Variants in NEURL1B observed in about 807,000 individuals in gnomAD.
NEURL1B encodes the protein E3 ubiquitin-protein ligase NEURL1B.
NEURL1B carries 13 observed loss-of-function variants against 37.4 expected under a neutral mutation model. That is an observed-to-expected ratio of 0.35 (90% CI 0.23 to 0.55). The LOEUF is 0.55. NEURL1B is among the 20% of genes least tolerant of loss of function. The probability of loss-of-function intolerance (pLI) is 0.89; values close to 1 mark genes in which losing one functional copy is unlikely to be tolerated. For missense variants in NEURL1B, 790 were observed against 879.2 expected, an observed-to-expected ratio of 0.90 and a Z score of 1.28; for synonymous variants, 432 against 426.6, an observed-to-expected ratio of 1.01 and a Z score of -0.16.
intron 3 of NEURL1B, among the ~76,000 whole-genome samples, chr5:172,684,775 C>A (rs1339978000): frequency 1.3e-5 from 2 of 152,154 alleles, no homozygotes; most frequent in Non-Finnish European, 2.9e-5. Flanking sequence ...CACTCCATGC[C>A]GGTTAGGAGC....
At chr5:172,669,654 C>A (rs1048625267) in intron 1 of NEURL1B, 131 bp from the exon 2 acceptor site, 51 of 708,432 alleles carry the variant, frequency 7.2e-5, no homozygotes, top group Non-Finnish European at 9.4e-5. Flanking sequence ...AGCCTGGAAC[C>A]TTCTTAAGTT....
chr5:172,656,359 A>T (rs908792603), intron 1 of NEURL1B, among the ~76,000 whole-genome samples: 3 of 151,912 alleles, frequency 2.0e-5, no homozygotes, highest in Admixed American at 6.6e-5. Context: ...TTTTTTATTT[A>T]TTTATTTATT....
chr5:172,669,816 C>T lies in NEURL1B; in HGVS notation c.63C>T (p.Thr21=), dbSNP rs1426008612. ...DPSPPARLLA[T]RPCCGPGPER... The stretch of plus-strand genomic sequence containing the variant: ...GCCCACCGGCGCGCCTCCTGGCCAC[C>T]CGGCCGTGCTGCGGCCCCGGCCCCG... The change falls in exon 2 of 5, where the codon ACC becomes ACT. Residue 21 remains threonine, a synonymous_variant. Transcript: ENST00000369800. The T allele has an allele frequency of 1.8e-5, 23 of 1,296,244 alleles. No individual in the cohort carries two copies. The highest frequency in any genetic ancestry group is 2.9e-4 in the Middle Eastern group (1 of 3,428). 80.3% of individuals were successfully genotyped at this position (1,296,244 alleles called of 1,614,324 possible).
In NEURL1B at chr5:172,686,712, G is replaced by T; in HGVS notation, c.1455G>T (p.Pro485=). The T allele has an allele frequency of 1.3e-6, 2 of 1,550,874 alleles. No individual in the cohort carries two copies. Among genetic ancestry groups the T allele is most frequent in the Non-Finnish European group, 1.7e-6 (2 of 1,146,742 alleles). Residue 485 remains proline, a synonymous_variant, in exon 5 of 5, where the codon CCG becomes CCT. Transcript: ENST00000369800. The surrounding 1 kb of genome is among the most constrained non-coding windows in gnomAD (Gnocchi z 7.9). The part of the protein sequence containing the change: ...VTAPSSPLSP[P]VSPVFSPPEP... ...CCCCCAGCTCCCCGCTGAGCCCCCC[G>T]GTGTCCCCCGTGTTCTCCCCACCGG...
chr5:172,653,383 G>T (rs1757704667), intron 1 of NEURL1B, among the ~76,000 whole-genome samples: 1 of 152,076 alleles, frequency 6.6e-6, no homozygotes, highest in South Asian at 2.1e-4. Context: ...TTATATTAGT[G>T]TGTCAATGTT....
chr5:172,686,188 C>T lies in NEURL1B; in HGVS notation c.1315C>T (p.Pro439Ser). 6.4e-7 allele frequency: 1 copy of T among 1,551,668 alleles called. No homozygotes were observed. The highest frequency in any genetic ancestry group is 8.7e-7 in the Non-Finnish European group (1 of 1,146,978). ...GGCCTCAGGTACCCTGCAGTCCAGC[C>T]CTGCGACCACGACTCCATCAGGGTC... ...LRLLGTLQSS[P>S]ATTTPSGSLS... Residue 439 changes from proline (P) to serine (S), a missense_variant, in exon 4 of 5, where the codon CCT becomes TCT. Coordinates refer to ENST00000369800, the MANE Select transcript of NEURL1B (RefSeq NM_001142651.3). The surrounding 1 kb of genome is among the most constrained non-coding windows in gnomAD (Gnocchi z 7.9).
chr5:172,652,508 T>C (rs1430105251), intron 1 of NEURL1B, among the ~76,000 whole-genome samples: 1 of 152,252 alleles, frequency 6.6e-6, no homozygotes, highest in Non-Finnish European at 1.5e-5. Context: ...TGTATGGTTT[T>C]TAGGAAATTA....
intron 2 of NEURL1B, among the ~76,000 whole-genome samples, chr5:172,677,674 T>TC (rs1283153106): frequency 6.6e-6 from 1 of 151,962 alleles, no homozygotes; most frequent in Non-Finnish European, 1.5e-5. Flanking sequence ...CCCTCGGCCT[T>TC]CCCCCCGTGG....
intron 2 of NEURL1B, among the ~76,000 whole-genome samples, chr5:172,677,306 C>T (rs370098356): frequency 6.6e-6 from 1 of 152,116 alleles, no homozygotes; most frequent in Non-Finnish European, 1.5e-5. Flanking sequence ...GGAGCGAGAC[C>T]GCCGCTGCAT....
At chr5:172,642,516 G>A (rs1757485051) in intron 1 of NEURL1B, among the ~76,000 whole-genome samples, 1 of 152,186 alleles carries the variant, frequency 6.6e-6, no homozygotes, top group South Asian at 2.1e-4. Context: ...TTTAGTGTGA[G>A]GTTCTGGAAG....
intron 2 of NEURL1B, among the ~76,000 whole-genome samples, chr5:172,673,236 G>A (rs7701918): frequency 0.2 from 30,838 of 151,972 alleles, 3,455 homozygotes; most frequent in East Asian, 0.38. Flanking sequence ...GAGGCACCAC[G>A]AGAACATCAA....
chr5:172,647,510 C>T lies in NEURL1B; in HGVS notation c.31+6073C>T, dbSNP rs2113257077. ...TGGATCCCAGGCACGCTGGGCTCCA[C>T]ACCCCTTCCCCTCCATCCCACGGGG... On this transcript the variant is annotated intron_variant, in intron 1 of 4. Transcript: ENST00000369800. The surrounding 1 kb of genome is among the most constrained non-coding windows in gnomAD (Gnocchi z 4.2). Among the ~76,000 whole-genome samples, 5 of 152,190 alleles carry T rather than the reference C, an allele frequency of 3.3e-5. No individual in the cohort carries two copies. The Middle Eastern group carries it at 0.01, about 311-fold the overall frequency.
At chr5:172,672,706 A>T (rs897521862) in intron 2 of NEURL1B, among the ~76,000 whole-genome samples, 3 of 152,104 alleles carry the variant, frequency 2.0e-5, no homozygotes, top group Non-Finnish European at 4.4e-5. Flanking sequence ...ATTGATGGAA[A>T]CTACCTGGCA....
chr5:172,662,684 A>G (rs555964520), intron 1 of NEURL1B, among the ~76,000 whole-genome samples: 9 of 152,322 alleles, frequency 5.9e-5, no homozygotes, highest in South Asian at 4.1e-4. Context: ...TCCAGAGCCC[A>G]TGAAGTAAAT....
Position 172,683,750 on chromosome 5 carries a change from GC to G in NEURL1B, c.912del (p.Asp305ThrfsTer155). The G allele has an allele frequency of 7.6e-7, 1 of 1,317,002 alleles. No homozygotes were observed. The allele number at this position is 1,317,002 out of a possible 1,614,324, so 81.6% of individuals were successfully genotyped here. ...ACCGCAAAGTGGCCTGCGCACCGCG[GC>G]CCGACGGCGGCCGCACGCTGGTCTT... ...ADRKVACAPR[P>X]DGGRTLVFSE... On this transcript the variant is annotated frameshift_variant, in exon 3 of 5. Transcript: ENST00000369800. LOFTEE classifies it high-confidence loss of function. This position sits in a 1 kb window ranked among gnomAD's most constrained non-coding sequence, Gnocchi z 5.6.
At position 172,683,415 on chromosome 5, in the gene NEURL1B, A is replaced by AC. The variant is rs965456278; in HGVS notation, c.578-3dup. ...CCTCCATGTCCCTCCCTTTGTCCGC[A>AC]CAGAGAGCGCCTTCGCTGACACGCT... On this transcript the variant is annotated splice_polypyrimidine_tract_variant and splice_region_variant and intron_variant, in intron 2 of 4. Coordinates refer to ENST00000369800, the MANE Select transcript of NEURL1B (RefSeq NM_001142651.3). The surrounding 1 kb of genome is among the most constrained non-coding windows in gnomAD (Gnocchi z 5.6). 36 of 1,351,072 alleles carry AC rather than the reference A, an allele frequency of 2.7e-5. No individual in the cohort carries two copies. The Admixed American group carries it at 1.1e-3, about 41-fold the overall frequency. 83.7% of individuals were successfully genotyped at this position (1,351,072 alleles called of 1,614,324 possible). A position where few individuals can be genotyped will look rare whatever the true frequency, so the allele number is the denominator to read the frequency against.
intron 1 of NEURL1B, among the ~76,000 whole-genome samples, chr5:172,659,176 G>C (rs1279241312): frequency 2.0e-5 from 3 of 152,104 alleles, no homozygotes; most frequent in African/African-American, 7.2e-5. Flanking sequence ...CTTGGGACCA[G>C]CAAACATTTT....
At position 172,665,449 on chromosome 5, in the gene NEURL1B, C is replaced by T. The variant is rs1334603605; in HGVS notation, c.32-4336C>T. 6.6e-6 allele frequency among the ~76,000 whole-genome samples: 1 copy of T among 152,232 alleles called. No homozygotes were observed. The highest frequency in any genetic ancestry group is 1.9e-4 in the East Asian group (1 of 5,186). ...ACAGCCTGACTCTGCGTCCACCCTC[C>T]TTGCTGCCCTGGAGGCCCCTCCCTG... On this transcript the variant is annotated intron_variant, in intron 1 of 4. Transcript: ENST00000369800. The surrounding 1 kb of genome is among the most constrained non-coding windows in gnomAD (Gnocchi z 4.1).
rs1445591368 is a variant in NEURL1B, at chr5:172,676,586, A to G, written c.577+6256A>G. 2.0e-5 allele frequency among the ~76,000 whole-genome samples: 3 copies of G among 152,130 alleles called. No homozygotes were observed. The highest frequency in any genetic ancestry group is 4.4e-5 in the Non-Finnish European group (3 of 68,028). On this transcript the variant is annotated intron_variant, in intron 2 of 4. Coordinates refer to ENST00000369800, the MANE Select transcript of NEURL1B (RefSeq NM_001142651.3). This position sits in a 1 kb window ranked among gnomAD's most constrained non-coding sequence, Gnocchi z 4.5. ...GGTGGGGGTGGGGCAGTTCCCTCCA[A>G]AGAAAAGCTGGGTGCTGTTACCAGG...
Sources: gnomAD v4.1 joint callset for allele counts (sites outside exome capture counted in the v4.1 genomes callset) on GRCh38, gnomAD v4.1.1 for gene constraint, Gnocchi (gnomAD v3.1) non-coding constraint, MANE v1.5 for transcripts, NCBI Gene and HGNC (gene_info 2026-07-23, HGNC 2026-07-21) for gene names.